The following EXPH5 variants were observed in gnomAD, a reference collection of about 807,000 sequenced individuals.
EXPH5 encodes exophilin-5.
Under a neutral mutation model 41.1 loss-of-function variants are expected in EXPH5, and 42 were observed. The observed-to-expected ratio is 1.02, with a 90% confidence interval of 0.80 to 1.32. The LOEUF (loss-of-function observed/expected upper bound fraction) is 1.32, where lower values mean the gene tolerates loss of function less well. Ranked by LOEUF, EXPH5 falls within the 40% of genes most tolerant of loss-of-function variation. EXPH5 has a pLI of 0.00. For missense variants in EXPH5, 2,298 were observed against 2,314.5 expected, an observed-to-expected ratio of 0.99 and a Z score of 0.15; for synonymous variants, 798 against 833.5, an observed-to-expected ratio of 0.96 and a Z score of 0.73.
chr11:108,533,684 GTTTC>G (rs1384318080), intron 3 of EXPH5, among the ~76,000 whole-genome samples: 2 of 152,092 alleles, frequency 1.3e-5, no homozygotes, highest in Non-Finnish European at 2.9e-5. Flanking sequence ...CACTGTTGAC[GTTTC>G]TTTGTCGTGG....
intron 1 of EXPH5, among the ~76,000 whole-genome samples, chr11:108,586,333 T>G (rs975601971): frequency 1.3e-5 from 2 of 152,162 alleles, no homozygotes; most frequent in Non-Finnish European, 2.9e-5. Context: ...GGTTATGTAT[T>G]CTGTGCTTCC....
chr11:108,563,704 C>T (rs1456350721), intron 1 of EXPH5, among the ~76,000 whole-genome samples: 2 of 152,184 alleles, frequency 1.3e-5, no homozygotes, highest in Non-Finnish European at 2.9e-5. Context: ...TGCCTCCCAG[C>T]CACCGTCCGG....
chr11:108,519,950 CAAAAAA>C (rs71050861), intron 4 of EXPH5, among the ~76,000 whole-genome samples: 5 of 62,052 alleles, frequency 8.1e-5, no homozygotes, highest in Admixed American at 4.6e-4. Flanking sequence ...GACTCTGTCT[CAAAAAA>C]AAAAAAAAAA....
At chr11:108,577,820 C>T (rs1012499816) in intron 1 of EXPH5, among the ~76,000 whole-genome samples, 3 of 152,092 alleles carry the variant, frequency 2.0e-5, no homozygotes, top group African/African-American at 7.2e-5. Flanking sequence ...TTTTCATATG[C>T]CTATTGGCCA....
At chr11:108,568,279 A>C (rs1345009550) in intron 1 of EXPH5, among the ~76,000 whole-genome samples, 2 of 151,972 alleles carry the variant, frequency 1.3e-5, no homozygotes, top group African/African-American at 4.8e-5. Flanking sequence ...CAGGGGAGGA[A>C]ATGACCAGGC....
chr11:108,513,510 A>C lies in EXPH5; in HGVS notation c.1997T>G (p.Met666Arg). 6.2e-7 allele frequency: 1 copy of C among 1,614,170 alleles called. No homozygotes were observed. Among genetic ancestry groups the C allele is most frequent in the South Asian group, 1.1e-5 (1 of 91,074 alleles). Residue 666 changes from methionine (M) to arginine (R), a missense_variant, in exon 6 of 6, where the codon ATG becomes AGG. Coordinates refer to ENST00000265843, the MANE Select transcript of EXPH5 (RefSeq NM_015065.3). Reference sequence around the variant, plus strand: ...CACAGTGACTTCTGTATGGCTTCTCATTGGATGAGAGGCAGGCTTATTTGG... The same window carrying C: ...CACAGTGACTTCTGTATGGCTTCTCCTTGGATGAGAGGCAGGCTTATTTGG... ...IFPNKPASHP[M>R]RSHTEVTVTS...
Position 108,510,505 on chromosome 11 carries a change from T to C in EXPH5, c.5002A>G (p.Lys1668Glu). The C allele has an allele frequency of 6.2e-7, 1 of 1,614,120 alleles. No individual in the cohort carries two copies. Residue 1668 changes from lysine to glutamate, a missense_variant, in exon 6 of 6, where the codon AAA becomes GAA. Physicochemically the swap from Lys to Glu is moderately conservative, Grantham distance 56. Coordinates refer to ENST00000265843, the MANE Select transcript of EXPH5 (RefSeq NM_015065.3). The part of the protein sequence containing the change: ...RLSENGKHVK[K>E]SENLLPITVL... ...GTAATGGGGAGAAGGTTCTCGGATT[T>C]CTTCACATGCTTTCCGTTCTCACTC...
At chr11:108,556,469 T>A (rs1047793847) in intron 1 of EXPH5, among the ~76,000 whole-genome samples, 2 of 152,058 alleles carry the variant, frequency 1.3e-5, no homozygotes, top group Non-Finnish European at 2.9e-5. Context: ...TTGTTTTGTT[T>A]TGTTTTGTTT....
chr11:108,575,956 C>T (rs552432977), intron 1 of EXPH5, among the ~76,000 whole-genome samples: 7 of 152,066 alleles, frequency 4.6e-5, no homozygotes, highest in African/African-American at 9.6e-5. Flanking sequence ...AATGAGACTC[C>T]GTATCAAAAT....
Position 108,511,658 on chromosome 11 carries a change from T to A in EXPH5, c.3849A>T (p.Gln1283His). ...CGTTAGGAAATGTTTCAGTCTCCAC[T>A]TGAGGTGATTCTATAAGTAAATTAG... ...QNTNLLIESP[Q>H]VETETFPNAL... Residue 1283 changes from glutamine (Q) to histidine (H), a missense_variant, in exon 6 of 6, where the codon CAA becomes CAT. Gln to His is a conservative substitution (Grantham distance 24, BLOSUM62 0). Coordinates refer to ENST00000265843, the MANE Select transcript of EXPH5 (RefSeq NM_015065.3). 1 of 1,605,968 alleles carries A rather than the reference T, an allele frequency of 6.2e-7. No individual in the cohort carries two copies. Among genetic ancestry groups the A allele is most frequent in the Non-Finnish European group, 8.5e-7 (1 of 1,177,840 alleles).
In EXPH5 at chr11:108,508,004, C is replaced by CAAAAAAAAAAAAAAAAAA. The variant is rs754113349; in HGVS notation, c.*1515_*1532dup. 1.5e-5 allele frequency: 1 copy of CAAAAAAAAAAAAAAAAAA among 66,730 alleles called. No individual in the cohort carries two copies. Among genetic ancestry groups the CAAAAAAAAAAAAAAAAAA allele is most frequent in the East Asian group, 4.2e-4 (1 of 2,374 alleles). The allele number at this position is 66,730 out of a possible 1,614,324, so 4.1% of individuals were successfully genotyped here. ...GAAACTCCAACTCTACTAAAAATAC[C>CAAAAAAAAAAAAAAAAAA]AAAAAAAAAAAAAAAAAAAAAAAAA... On this transcript the variant is annotated 3_prime_UTR_variant, in exon 6 of 6. Transcript: ENST00000265843.
rs75795912 is a variant in EXPH5, at chr11:108,530,315, C to G, written c.444-2131G>C. ...AAACAAATATGACTCAGATAGGGAC[C>G]CTGTTCTCTGAGAGCTTTTAGGAAA... On this transcript the variant is annotated intron_variant, in intron 3 of 5. Coordinates refer to ENST00000265843, the MANE Select transcript of EXPH5 (RefSeq NM_015065.3). Among the ~76,000 whole-genome samples the G allele has an allele frequency of 6.8e-3, 1,034 of 152,120 alleles. 9 individuals are homozygous for G. Among genetic ancestry groups the G allele is most frequent in the African/African-American group, 0.023 (967 of 41,482 alleles).
At chr11:108,564,029 T>C (rs34714980) in intron 1 of EXPH5, among the ~76,000 whole-genome samples, 11,189 of 152,070 alleles carry the variant, frequency 0.074, 562 homozygotes, top group Non-Finnish European at 0.12. Context: ...CCTGTAATCC[T>C]AGAACTTTGG....
Position 108,541,830 on chromosome 11 carries a change from A to G in EXPH5, c.120-18T>C. 1 of 1,558,898 alleles carries G rather than the reference A, an allele frequency of 6.4e-7. No homozygotes were observed. Among genetic ancestry groups the G allele is most frequent in the South Asian group, 1.2e-5 (1 of 83,240 alleles). On this transcript the variant is annotated intron_variant, in intron 1 of 5. Coordinates refer to ENST00000265843, the MANE Select transcript of EXPH5 (RefSeq NM_015065.3). The stretch of plus-strand genomic sequence containing the variant: ...GAAGTTTGCTGAAATAAAATAAAAC[A>G]TTAATGTGGTCTTTATTTATTTTCT...
intron 1 of EXPH5, among the ~76,000 whole-genome samples, chr11:108,586,425 T>TCCTCTTTCCTCCCTCCCC (rs1565836656): frequency 1.4e-5 from 2 of 141,876 alleles, no homozygotes; most frequent in Non-Finnish European, 3.1e-5. Flanking sequence ...ACTCCCTCCC[T>TCCTCTTTCCTCCCTCCCC]GATCCCCTTT....
At chr11:108,577,889 A>G (rs78594325) in intron 1 of EXPH5, among the ~76,000 whole-genome samples, 1,792 of 150,668 alleles carry the variant, frequency 0.012, 33 homozygotes, top group African/African-American at 0.042. Context: ...TTAAAATTTG[A>G]TTTTTTTTTG....
At chr11:108,532,363 TATA>T (rs1389228651) in intron 3 of EXPH5, among the ~76,000 whole-genome samples, 55 of 22,376 alleles carry the variant, frequency 2.5e-3, no homozygotes, top group African/African-American at 0.011. Context: ...TATATATATA[TATA>T]TTTTTTTTTT....
In EXPH5 at chr11:108,509,328, G is replaced by T; in HGVS notation, c.*209C>A. 2.4e-6 allele frequency: 1 copy of T among 408,488 alleles called. No homozygotes were observed. Among genetic ancestry groups the T allele is most frequent in the South Asian group, 8.9e-5 (1 of 11,236 alleles). The allele number at this position is 408,488 out of a possible 1,614,324, so 25.3% of individuals were successfully genotyped here. On this transcript the variant is annotated 3_prime_UTR_variant, in exon 6 of 6. Coordinates refer to ENST00000265843, the MANE Select transcript of EXPH5 (RefSeq NM_015065.3). ...AGAACATTTACAGAGATAGAAAATA[G>T]CAGAGACTCTCTCAAAACAAGAATT...
chr11:108,509,961 A>C lies in EXPH5; in HGVS notation c.5546T>G (p.Phe1849Cys). Reference sequence around the variant, plus strand: ...GGAGGGGAGTTCAGAAAAAGATCTGAATCTTCGACTGTACCCATTGTTGAC... The same window carrying C: ...GGAGGGGAGTTCAGAAAAAGATCTGCATCTTCGACTGTACCCATTGTTGAC... The part of the protein sequence containing the change: ...FSVNNGYSRR[F>C]RSFSELPSCD... Residue 1849 changes from phenylalanine to cysteine, a missense_variant, in exon 6 of 6, where the codon TTC (phenylalanine) becomes TGC (cysteine). Transcript: ENST00000265843. The C allele has an allele frequency of 6.2e-7, 1 of 1,613,256 alleles. No homozygotes were observed. Among genetic ancestry groups the C allele is most frequent in the Non-Finnish European group, 8.5e-7 (1 of 1,179,704 alleles).
Sources: allele counts gnomAD v4.1 joint callset (sites outside exome capture counted in the v4.1 genomes callset), GRCh38; gene constraint gnomAD v4.1.1; transcripts MANE v1.5; gene names NCBI Gene and HGNC (gene_info 2026-07-23, HGNC 2026-07-21).